Variants in FOXP1 observed in about 807,000 individuals in gnomAD.
The protein encoded by FOXP1 is forkhead box P1, also known as forkhead box protein P1.
FOXP1 carries 15 observed loss-of-function variants against 98.2 expected under a neutral mutation model. That is an observed-to-expected ratio of 0.15 (90% CI 0.10 to 0.24). The LOEUF is 0.24. Ranked by LOEUF, FOXP1 falls within the 10% of genes least tolerant of loss-of-function variation. The pLI is 1.00. For synonymous variants in FOXP1, 371 were observed against 314.5 expected, an observed-to-expected ratio of 1.18 and a Z score of -1.90; for missense variants, 633 against 848.5, an observed-to-expected ratio of 0.75 and a Z score of 3.15.
chr3:71,026,501 T>C (rs2046137032), intron 11 of FOXP1, among the ~76,000 whole-genome samples: 1 of 152,070 alleles, frequency 6.6e-6, no homozygotes, highest in Non-Finnish European at 1.5e-5. Context: ...GACTTAGGGG[T>C]CAAAGACCCA....
intron 5 of FOXP1, among the ~76,000 whole-genome samples, chr3:71,256,562 T>G (rs1228903970): frequency 6.6e-6 from 1 of 152,106 alleles, no homozygotes; most frequent in East Asian, 1.9e-4. Context: ...TTTTTTATTT[T>G]TAGTAGAGAT....
intron 4 of FOXP1, among the ~76,000 whole-genome samples, chr3:71,313,534 C>CTT (rs569229839): frequency 6.2e-5 from 9 of 145,406 alleles, no homozygotes; most frequent in Middle Eastern, 7.2e-3. Flanking sequence ...ATTTCTTTTT[C>CTT]TTTTTTTTTT....
chr3:70,981,645 T>C (rs772785954), intron 14 of FOXP1, among the ~76,000 whole-genome samples: 1 of 152,136 alleles, frequency 6.6e-6, no homozygotes, highest in Non-Finnish European at 1.5e-5. Flanking sequence ...GTAAACTAAT[T>C]AAAAGACAGT....
chr3:70,972,716 T>G (rs752323689), intron 17 of FOXP1, 40 bp from the exon 18 acceptor site: 11 of 1,608,492 alleles, frequency 6.8e-6, no homozygotes, highest in Non-Finnish European at 9.4e-6. Context: ...ACATTTTCTA[T>G]AAGAAAAGAC....
chr3:71,499,400 C>T (rs1275936046), intron 2 of FOXP1, among the ~76,000 whole-genome samples: 1 of 152,230 alleles, frequency 6.6e-6, no homozygotes, highest in Non-Finnish European at 1.5e-5. Context: ...CAATTTTATA[C>T]ACACACATAA....
At chr3:71,546,771 C>G (rs2045396259) in intron 2 of FOXP1, among the ~76,000 whole-genome samples, 1 of 152,202 alleles carries the variant, frequency 6.6e-6, no homozygotes, top group South Asian at 2.1e-4. Flanking sequence ...CTCTGCAGCC[C>G]ACTCTAAACG....
chr3:71,284,764 T>G (rs1433325118), intron 5 of FOXP1, among the ~76,000 whole-genome samples: 1 of 150,540 alleles, frequency 6.6e-6, no homozygotes, highest in African/African-American at 2.4e-5. Flanking sequence ...AAATACTAAA[T>G]TAAAAAAAAA....
chr3:71,054,761 G>GGAAAGAAAAAACAAT (rs1399739822), intron 7 of FOXP1, among the ~76,000 whole-genome samples: 1 of 151,584 alleles, frequency 6.6e-6, no homozygotes, highest in African/African-American at 2.4e-5. Flanking sequence ...AAAAAGATAA[G>GGAAAGAAAAAACAAT]GAAAGAAAAA....
At chr3:70,972,387 C>T in intron 18 of FOXP1, 168 bp downstream of exon 18, 2 of 1,022,338 alleles carry the variant, frequency 2.0e-6, no homozygotes, top group South Asian at 2.7e-5. Context: ...GGCAGGGGGA[C>T]TGGTGGGTAT....
intron 9 of FOXP1, among the ~76,000 whole-genome samples, chr3:71,048,298 G>A (rs2049323006): frequency 6.6e-6 from 1 of 152,110 alleles, no homozygotes; most frequent in African/African-American, 2.4e-5. Context: ...ACAAACAACT[G>A]CATTCACTTA....
At chr3:71,474,079 T>C (rs1443410990) in intron 3 of FOXP1, among the ~76,000 whole-genome samples, 1 of 152,160 alleles carries the variant, frequency 6.6e-6, no homozygotes, top group African/African-American at 2.4e-5. Context: ...TAAAAAGTTA[T>C]AAGCACAAGA....
At chr3:71,028,148 T>A (rs1472225717) in intron 11 of FOXP1, among the ~76,000 whole-genome samples, 1 of 152,236 alleles carries the variant, frequency 6.6e-6, no homozygotes, top group African/African-American at 2.4e-5. Context: ...ATTGAAATTT[T>A]TTTTTTAAAT....
intron 3 of FOXP1, among the ~76,000 whole-genome samples, chr3:71,417,376 C>T (rs1289208802): frequency 1.3e-5 from 2 of 152,144 alleles, no homozygotes; most frequent in South Asian, 2.1e-4. Flanking sequence ...TGGACTAAGA[C>T]GTGTAAGACC....
chr3:71,160,268 G>T (rs1360089659), intron 6 of FOXP1, among the ~76,000 whole-genome samples: 7 of 152,006 alleles, frequency 4.6e-5, no homozygotes, highest in Admixed American at 1.3e-4. Context: ...CTCTGTTTGG[G>T]CTGTGGTCAA....
At chr3:71,529,136 G>A (rs138426661) in intron 2 of FOXP1, among the ~76,000 whole-genome samples, 3 of 152,312 alleles carry the variant, frequency 2.0e-5, no homozygotes, top group African/African-American at 7.2e-5. Flanking sequence ...CAGCTAGGAT[G>A]AAAAAGCACA....
At chr3:71,077,836 ATT>A (rs34917871) in intron 7 of FOXP1, among the ~76,000 whole-genome samples, 1 of 145,592 alleles carries the variant, frequency 6.9e-6, no homozygotes, top group African/African-American at 2.5e-5. Context: ...CTGTGCATAT[ATT>A]TTTTTTTTTT....
chr3:71,337,820 A>G (rs769561307), intron 4 of FOXP1, among the ~76,000 whole-genome samples: 7 of 152,236 alleles, frequency 4.6e-5, no homozygotes, highest in Non-Finnish European at 7.3e-5. Flanking sequence ...AATTATCATT[A>G]AACATTTATT....
intron 5 of FOXP1, among the ~76,000 whole-genome samples, chr3:71,277,015 G>C (rs34418404): frequency 0.11 from 16,568 of 147,380 alleles, 1,072 homozygotes; most frequent in East Asian, 0.25. Context: ...CTGGAGTGCA[G>C]TGGTGCCATC....
chr3:71,033,699 G>A (rs1408425275), intron 11 of FOXP1, among the ~76,000 whole-genome samples: 3 of 151,358 alleles, frequency 2.0e-5, no homozygotes. Context: ...CCCTGCATGT[G>A]TGAATGACAG....
Sources: allele counts gnomAD v4.1 joint callset (sites outside exome capture counted in the v4.1 genomes callset), GRCh38; gene constraint gnomAD v4.1.1; transcripts MANE v1.5; gene names NCBI Gene and HGNC (gene_info 2026-07-23, HGNC 2026-07-21).